Variants in RBL1 observed in about 807,000 individuals in gnomAD.
RBL1 encodes the protein retinoblastoma-like protein 1.
RBL1 carries 82 observed loss-of-function variants against 123.0 expected under a neutral mutation model. The observed-to-expected ratio is 0.67, with a 90% CI of 0.56 to 0.80. The LOEUF (loss-of-function observed/expected upper bound fraction) is 0.80. RBL1 is among the 30% of genes least tolerant of loss of function. RBL1 has a pLI of 0.00. For missense variants in RBL1, 1,171 were observed against 1,299.6 expected, an observed-to-expected ratio of 0.90 and a Z score of 1.52; for synonymous variants, 405 against 441.3, an observed-to-expected ratio of 0.92 and a Z score of 1.03.
At chr20:37,064,931 C>CTTT (rs377383954) in intron 7 of RBL1, among the ~76,000 whole-genome samples, 2 of 133,634 alleles carry the variant, frequency 1.5e-5, no homozygotes, top group Non-Finnish European at 3.2e-5. Flanking sequence ...CGGCCTCTTT[C>CTTT]TTTTTTTTTT....
At chr20:37,049,930 C>T (rs1183892810) in intron 11 of RBL1, among the ~76,000 whole-genome samples, 2 of 151,508 alleles carry the variant, frequency 1.3e-5, no homozygotes, top group Non-Finnish European at 2.9e-5. Flanking sequence ...GGTGTGGTGG[C>T]GCATCCCTGT....
At position 37,084,402 on chromosome 20, in the gene RBL1, T is replaced by C. The variant is rs373757491; in HGVS notation, c.290+4587A>G. 8.6e-5 allele frequency among the ~76,000 whole-genome samples: 13 copies of C among 151,264 alleles called. No individual in the cohort carries two copies. In the East Asian group the frequency reaches 2.5e-3, roughly 29 times the overall value. ...AGTATCATTAAAAAAATTAATGAGG[T>C]AGAACTACATATGCTGATATGGAAG... On this transcript the variant is annotated intron_variant, in intron 2 of 21. Transcript: ENST00000373664.
intron 9 of RBL1, among the ~76,000 whole-genome samples, chr20:37,059,622 T>C (rs2065063175): frequency 6.6e-6 from 1 of 152,174 alleles, no homozygotes; most frequent in African/African-American, 2.4e-5. Context: ...TCTATCACTA[T>C]ACCCTCTTTC....
intron 13 of RBL1, among the ~76,000 whole-genome samples, 182 bp downstream of exon 13, chr20:37,043,904 T>G (rs1568851797): frequency 6.6e-6 from 1 of 152,114 alleles, no homozygotes; most frequent in African/African-American, 2.4e-5. Flanking sequence ...AGGTTTCTTT[T>G]TGAAGTGATG....
chr20:37,000,766 A>G (rs1177631952), intron 21 of RBL1, among the ~76,000 whole-genome samples: 3 of 104,260 alleles, frequency 2.9e-5, no homozygotes, highest in Admixed American at 1.0e-4. Flanking sequence ...TCCAGGAGGG[A>G]GGCGGGGGGG....
Position 37,032,652 on chromosome 20 carries a change from T to G in RBL1, c.2382+13A>C. 1.2e-6 allele frequency: 2 copies of G among 1,613,550 alleles called. No individual in the cohort carries two copies. The highest frequency in any genetic ancestry group is 2.2e-5 in the East Asian group (1 of 44,822). On this transcript the variant is annotated intron_variant, in intron 16 of 21. Transcript: ENST00000373664. ...TTAAACAAATTCTTCTAAAGTGCTA[T>G]AAAAACACATACCTTTCTGTAAAAT...
rs140508941 is a variant in RBL1 at position 37,082,511 on chromosome 20, C to G, written c.290+6478G>C. Among the ~76,000 whole-genome samples, 59 of 152,136 alleles carry G rather than the reference C, an allele frequency of 3.9e-4. 1 individual carries two copies. The East Asian group carries it at 0.011, about 29-fold the overall frequency. On this transcript the variant is annotated intron_variant, in intron 2 of 21. Transcript: ENST00000373664. ...ACACACACACACACTCTCTCTCTCT[C>G]TAGAGTTTACCCTCCATATCTGTGA...
At chr20:37,062,008 T>C in intron 8 of RBL1, 76 bp downstream of exon 8, 1 of 1,369,158 alleles carries the variant, frequency 7.3e-7, no homozygotes, top group Non-Finnish European at 9.7e-7. Context: ...ACTTGAAAGA[T>C]GCTTCTGCTG....
intron 2 of RBL1, among the ~76,000 whole-genome samples, chr20:37,073,705 G>GAGAAAAA (rs1741326566): frequency 3.9e-5 from 4 of 103,140 alleles, no homozygotes; most frequent in African/African-American, 1.5e-4. Context: ...CTCAAAAAAA[G>GAGAAAAA]AAAAAAAAAA....
In RBL1 at chr20:37,061,245, G is replaced by C. The variant is rs751347376; in HGVS notation, c.1108C>G (p.Pro370Ala). The C allele has an allele frequency of 1.2e-6, 2 of 1,610,896 alleles. No homozygotes were observed. Among genetic ancestry groups the C allele is most frequent in the Non-Finnish European group, 1.7e-6 (2 of 1,179,004 alleles). ...CGTAAATATCTCCGTCCGGTCAGTG[G>C]GGTAGAAGGTGCAAATGACCTTTTC... Reference protein sequence around the residue: ...EKKRSFAPSTPLTGRRYLREK... With the variant: ...EKKRSFAPSTALTGRRYLREK... The change falls in exon 9 of 22, where the codon CCA (proline) becomes GCA (alanine). Residue 370 changes from proline (P) to alanine (A), a missense_variant. By Grantham distance (27) the Pro-to-Ala change is conservative. Coordinates refer to ENST00000373664, the MANE Select transcript of RBL1 (RefSeq NM_002895.5).
chr20:37,061,078 G>A lies in RBL1; in HGVS notation c.1250+25C>T, dbSNP rs770119931. The A allele has an allele frequency of 5.4e-6, 8 of 1,492,482 alleles. No individual in the cohort carries two copies. The East Asian group carries it at 9.5e-5, about 18-fold the overall frequency. 92.5% of individuals were successfully genotyped at this position (1,492,482 alleles called of 1,614,324 possible). Reference sequence around the variant, plus strand: ...GAAATCTAATTTTAAAAAGACATTTGGAAAAATAACAGTATTGTACATACT... The same window carrying A: ...GAAATCTAATTTTAAAAAGACATTTAGAAAAATAACAGTATTGTACATACT... On this transcript the variant is annotated intron_variant, in intron 9 of 21. Transcript: ENST00000373664.
At chr20:37,000,533 G>A (rs1166108602) in intron 21 of RBL1, among the ~76,000 whole-genome samples, 16 of 136,870 alleles carry the variant, frequency 1.2e-4, no homozygotes, top group African/African-American at 2.2e-4. Flanking sequence ...CTGCCCGGCC[G>A]CCCCTACTGG....
intron 9 of RBL1, 137 bp from the exon 10 acceptor site, chr20:37,056,395 C>T: frequency 1.6e-6 from 2 of 1,263,270 alleles, no homozygotes; most frequent in Non-Finnish European, 2.0e-6. Context: ...CGCTCTGTAA[C>T]CCAGGCTGGA....
At chr20:37,037,024 A>G (rs1422984692) in intron 14 of RBL1, among the ~76,000 whole-genome samples, 1 of 152,364 alleles carries the variant, frequency 6.6e-6, no homozygotes, top group Non-Finnish European at 1.5e-5. Context: ...GAAAATAGTT[A>G]TAGTTTAATA....
Position 37,066,749 on chromosome 20 carries a change from T to A in RBL1, c.821A>T (p.Tyr274Phe). Residue 274 changes from tyrosine to phenylalanine, a missense_variant, in exon 6 of 22, where the codon TAT becomes TTT. Transcript: ENST00000373664. ...KGIKEHYFKP[Y>F]ISKLFDRKIL... Reference sequence around the variant, plus strand: ...CTTCCTGTCAAAGAGTTTTGAAATATATGGCTTAAAGTAGTGCTCCTTTAT... The same window carrying A: ...CTTCCTGTCAAAGAGTTTTGAAATAAATGGCTTAAAGTAGTGCTCCTTTAT... The A allele has an allele frequency of 1.2e-6, 2 of 1,613,438 alleles. No individual in the cohort carries two copies. Among genetic ancestry groups the A allele is most frequent in the Non-Finnish European group, 1.7e-6 (2 of 1,179,402 alleles).
At chr20:37,005,894 CTT>C (rs1013303071) in intron 20 of RBL1, among the ~76,000 whole-genome samples, 5 of 98,124 alleles carry the variant, frequency 5.1e-5, no homozygotes, top group Admixed American at 1.2e-4. Context: ...TTTTTTCTTT[CTT>C]TTTTTTTTTT....
At chr20:37,014,100 T>C (rs1351749718) in intron 19 of RBL1, among the ~76,000 whole-genome samples, 1 of 151,600 alleles carries the variant, frequency 6.6e-6, no homozygotes, top group East Asian at 1.9e-4. Flanking sequence ...TTTTTTTTTT[T>C]TTTGAGACAG....
At chr20:37,026,384 T>C (rs1366574846) in intron 16 of RBL1, among the ~76,000 whole-genome samples, 1 of 152,132 alleles carries the variant, frequency 6.6e-6, no homozygotes, top group African/African-American at 2.4e-5. Flanking sequence ...TTAAAGAAGA[T>C]TTATTTAGCA....
At chr20:37,006,030 G>C (rs775371743) in intron 20 of RBL1, among the ~76,000 whole-genome samples, 4 of 150,702 alleles carry the variant, frequency 2.7e-5, no homozygotes, top group Non-Finnish European at 4.4e-5. Flanking sequence ...TGAGTAGTTG[G>C]GACTAAAGGT....
Sources: allele counts gnomAD v4.1 joint callset (sites outside exome capture counted in the v4.1 genomes callset), GRCh38; gene constraint gnomAD v4.1.1; transcripts MANE v1.5; gene names NCBI Gene and HGNC (gene_info 2026-07-23, HGNC 2026-07-21).